CHRM3: variants seen among roughly 807,000 people sequenced by gnomAD.
CHRM3 encodes the protein muscarinic acetylcholine receptor M3.
In CHRM3, 11 loss-of-function variants were observed where a neutral mutation model predicts 41.8. That is an observed-to-expected ratio of 0.26 (90% CI 0.17 to 0.44). The LOEUF (loss-of-function observed/expected upper bound fraction) is 0.44. CHRM3 is among the 20% of genes least tolerant of loss of function. The pLI is 1.00. For synonymous variants in CHRM3, 297 were observed against 301.4 expected, an observed-to-expected ratio of 0.99 and a Z score of 0.15; for missense variants, 571 against 745.4, an observed-to-expected ratio of 0.77 and a Z score of 2.72.
At chr1:239,630,268 A>G (rs891293456) in intron 3 of CHRM3, among the ~76,000 whole-genome samples, 7 of 152,194 alleles carry the variant, frequency 4.6e-5, no homozygotes, top group African/African-American at 1.7e-4. Context: ...ATTTAAAATG[A>G]TCTGAATTTC....
At chr1:239,670,820 C>G (rs1002085755) in intron 4 of CHRM3, among the ~76,000 whole-genome samples, 3 of 151,686 alleles carry the variant, frequency 2.0e-5, no homozygotes, top group African/African-American at 4.8e-5. Context: ...TTTTTTCTTT[C>G]CCAGTTTGGG....
At chr1:239,782,533 T>G (rs1163084961) in intron 5 of CHRM3, among the ~76,000 whole-genome samples, 3 of 152,212 alleles carry the variant, frequency 2.0e-5, no homozygotes, top group South Asian at 2.1e-4. Context: ...CTTATTGGTT[T>G]TACTGATCTT....
intron 1 of CHRM3, among the ~76,000 whole-genome samples, chr1:239,432,952 T>C (rs1408014460): frequency 6.6e-6 from 1 of 152,228 alleles, no homozygotes; most frequent in Non-Finnish European, 1.5e-5. Flanking sequence ...TTTTACTCTC[T>C]GAGATAACAC....
At chr1:239,903,666 A>G (rs1679750047) in intron 6 of CHRM3, among the ~76,000 whole-genome samples, 1 of 152,104 alleles carries the variant, frequency 6.6e-6, no homozygotes, top group Non-Finnish European at 1.5e-5. Context: ...TCTGTTTCCC[A>G]TACTCCCTCC....
At chr1:239,573,708 A>G (rs1320232933) in intron 3 of CHRM3, among the ~76,000 whole-genome samples, 1 of 152,126 alleles carries the variant, frequency 6.6e-6, no homozygotes, top group Non-Finnish European at 1.5e-5. Context: ...GTCCCAGGGC[A>G]GATCTCTTCA....
chr1:239,713,713 A>G (rs530176612), intron 5 of CHRM3, among the ~76,000 whole-genome samples: 1 of 152,304 alleles, frequency 6.6e-6, no homozygotes, highest in Admixed American at 6.5e-5. Context: ...TGGGGTGACC[A>G]CTTGTCCCAG....
At chr1:239,649,923 G>A (rs919913591) in intron 4 of CHRM3, among the ~76,000 whole-genome samples, 1 of 152,218 alleles carries the variant, frequency 6.6e-6, no homozygotes, top group African/African-American at 2.4e-5. Context: ...ATTAAAATAA[G>A]TTAAATATTT....
intron 2 of CHRM3, among the ~76,000 whole-genome samples, chr1:239,530,277 G>C (rs964089027): frequency 1.5e-4 from 23 of 152,110 alleles, no homozygotes; most frequent in African/African-American, 5.6e-4. Context: ...GCACCATTGA[G>C]TCAGCTACAT....
At chr1:239,642,438 C>T (rs1299310475) in intron 4 of CHRM3, among the ~76,000 whole-genome samples, 2 of 152,084 alleles carry the variant, frequency 1.3e-5, no homozygotes, top group African/African-American at 4.8e-5. Flanking sequence ...GACATAGTCC[C>T]ATATTTCTTG....
At chr1:239,643,039 C>G (rs969697609) in intron 4 of CHRM3, among the ~76,000 whole-genome samples, 1 of 152,188 alleles carries the variant, frequency 6.6e-6, no homozygotes, top group Non-Finnish European at 1.5e-5. Flanking sequence ...ACTCCAGACC[C>G]TGTTTGCCTG....
At chr1:239,660,866 G>A (rs1014045278) in intron 4 of CHRM3, among the ~76,000 whole-genome samples, 1 of 152,184 alleles carries the variant, frequency 6.6e-6, no homozygotes, top group Non-Finnish European at 1.5e-5. Context: ...GGGTGACAGA[G>A]AGAGACTCTG....
intron 6 of CHRM3, among the ~76,000 whole-genome samples, chr1:239,883,426 C>T (rs936615217): frequency 6.6e-6 from 1 of 152,184 alleles, no homozygotes; most frequent in African/African-American, 2.4e-5. Flanking sequence ...GTAATGCACT[C>T]TTCCATTTAT....
chr1:239,886,890 T>C (rs1396242446), intron 6 of CHRM3, among the ~76,000 whole-genome samples: 2 of 152,196 alleles, frequency 1.3e-5, no homozygotes, highest in Non-Finnish European at 1.5e-5. Flanking sequence ...TCCTTTGATA[T>C]GTGATTTTAT....
chr1:239,913,004 C>T lies in CHRM3; in HGVS notation c.*3780C>T, dbSNP rs1490964063. The T allele has an allele frequency of 6.0e-6, 1 of 167,042 alleles. No homozygotes were observed. Among genetic ancestry groups the T allele is most frequent in the East Asian group, 1.9e-4 (1 of 5,190 alleles). The allele number at this position is 167,042 out of a possible 1,614,324, so 10.3% of individuals were successfully genotyped here. On this transcript the variant is annotated 3_prime_UTR_variant, in exon 7 of 7. Coordinates refer to ENST00000676153, the MANE Select transcript of CHRM3 (RefSeq NM_001375978.1). ...CAACACCGAAGCTTCTCTAATTTGC[C>T]TTCTGATGCCAAATCGGTCAAAACT...
chr1:239,674,724 A>AG lies in CHRM3; in HGVS notation c.-249-3462_-249-3461insG, dbSNP rs554774204. On this transcript the variant is annotated intron_variant, in intron 4 of 6. Coordinates refer to ENST00000676153, the MANE Select transcript of CHRM3 (RefSeq NM_001375978.1). Reference sequence around the variant, plus strand: ...GACTCCATCTCAAAAAAAAAAAAAAAAAAGAAAGAAAAATCACTTAAGTAT... The same window carrying AG: ...GACTCCATCTCAAAAAAAAAAAAAAAGAAAGAAAGAAAAATCACTTAAGTAT... 3.8e-4 allele frequency among the ~76,000 whole-genome samples: 57 copies of AG among 151,674 alleles called. No individual in the cohort carries two copies. The South Asian group carries it at 8.6e-3, about 23-fold the overall frequency.
intron 5 of CHRM3, among the ~76,000 whole-genome samples, chr1:239,682,637 T>TA (rs200253723): frequency 4.9e-4 from 73 of 147,556 alleles, no homozygotes; most frequent in Admixed American, 8.8e-4. Context: ...TAGGATTCAT[T>TA]AAAAAAAAAA....
At chr1:239,597,342 G>A (rs1056664904) in intron 3 of CHRM3, among the ~76,000 whole-genome samples, 6 of 152,094 alleles carry the variant, frequency 3.9e-5, no homozygotes, top group Non-Finnish European at 7.4e-5. Flanking sequence ...TATACACAAG[G>A]AAATTTATTT....
At chr1:239,430,757 GTC>G (rs948541684) in intron 1 of CHRM3, among the ~76,000 whole-genome samples, 2 of 149,674 alleles carry the variant, frequency 1.3e-5, no homozygotes, top group Non-Finnish European at 3.0e-5. Context: ...TATATCAAGA[GTC>G]TGATTAGAGT....
chr1:239,512,108 G>A (rs903153236), intron 2 of CHRM3, among the ~76,000 whole-genome samples: 6 of 152,150 alleles, frequency 3.9e-5, no homozygotes, highest in African/African-American at 1.4e-4. Flanking sequence ...GGGTGGACGG[G>A]CACTAGGATG....
Sources: gnomAD v4.1 joint callset for allele counts (sites outside exome capture counted in the v4.1 genomes callset) on GRCh38, gnomAD v4.1.1 for gene constraint, MANE v1.5 for transcripts, NCBI Gene and HGNC (gene_info 2026-07-23, HGNC 2026-07-21) for gene names.